Variants in MCM7 observed in about 807,000 individuals in gnomAD.
MCM7 encodes the protein DNA replication licensing factor MCM7.
Under a neutral mutation model 83.5 loss-of-function variants are expected in MCM7, and 95 were observed. The ratio of observed to expected loss-of-function variants is 1.14; its 90% CI spans 0.96 to 1.35. The LOEUF (loss-of-function observed/expected upper bound fraction) is 1.35. MCM7 is among the 40% of genes most tolerant of loss of function. The pLI is 0.00. For missense variants in MCM7, 1,087 were observed against 957.4 expected (o/e 1.14, Z -1.79); for synonymous variants, 461 against 352.7 (o/e 1.31, Z -3.44).
At chr7:100,099,844 C>T in intron 2 of MCM7, 91 bp from the exon 3 acceptor site, 1 of 1,551,266 alleles carries the variant, frequency 6.4e-7, no homozygotes, top group Non-Finnish European at 8.8e-7. Context: ...GAGAACTCAG[C>T]ACAGGCTCTG....
In MCM7 at chr7:100,099,761, G is replaced by A; in HGVS notation, c.112-8C>T. On this transcript the variant is annotated splice_polypyrimidine_tract_variant and splice_region_variant and intron_variant, in intron 2 of 14. Transcript: ENST00000303887. ...CCGATGAGCCAGCCGAACCTCAAGTGGGGAAGAGACAGAAACACCTCAGAG... is the reference window on the plus strand; with the variant it reads ...CCGATGAGCCAGCCGAACCTCAAGTAGGGAAGAGACAGAAACACCTCAGAG... The A allele has an allele frequency of 6.2e-7, 1 of 1,613,470 alleles. No individual in the cohort carries two copies. The highest frequency in any genetic ancestry group is 8.5e-7 in the Non-Finnish European group (1 of 1,179,864).
intron 2 of MCM7, 83 bp from the exon 3 acceptor site, chr7:100,099,836 G>C: frequency 6.4e-7 from 1 of 1,563,580 alleles, no homozygotes; most frequent in South Asian, 1.2e-5. Context: ...GCATCACTGA[G>C]AACTCAGCAC....
rs1796019874 is a variant in MCM7 at position 100,101,374 on chromosome 7, G to C, written c.-80C>G. The C allele has an allele frequency of 6.3e-7, 1 of 1,588,328 alleles. No homozygotes were observed. Among genetic ancestry groups the C allele is most frequent in the Non-Finnish European group, 8.6e-7 (1 of 1,163,104 alleles). ...GGAAGCTGAGAATCTCCGCGCGGTG[G>C]ACTGTGGCCGGCCAACCGAAATTGG... is the stretch of plus-strand genomic sequence containing the variant. On this transcript the variant is annotated 5_prime_UTR_variant, in exon 1 of 15. Coordinates refer to ENST00000303887, the MANE Select transcript of MCM7 (RefSeq NM_005916.5).
chr7:100,093,493 A>G, intron 13 of MCM7, 92 bp from the exon 14 acceptor site: 2 of 1,170,778 alleles, frequency 1.7e-6, no homozygotes, highest in Non-Finnish European at 2.6e-6. Context: ...AAGGCTGGGC[A>G]GCCCATGGGT....
At position 100,096,251 on chromosome 7, in the gene MCM7, G is replaced by A. The variant is rs558088251; in HGVS notation, c.1202-84C>T. Reference sequence around the variant, plus strand: ...AAGACAACAAACGGGCCAGGGAGGCGAGGCCTGCGCTGGGATCATTCCACT... The same window carrying A: ...AAGACAACAAACGGGCCAGGGAGGCAAGGCCTGCGCTGGGATCATTCCACT... On this transcript the variant is annotated intron_variant, in intron 10 of 14. Transcript: ENST00000303887. 113 of 1,377,852 alleles carry A rather than the reference G, an allele frequency of 8.2e-5. No homozygotes were observed. In the African/African-American group the frequency reaches 1.2e-3, roughly 15 times the overall value. 85.4% of individuals were successfully genotyped at this position (1,377,852 alleles called of 1,614,324 possible).
chr7:100,099,719 T>A lies in MCM7; in HGVS notation c.146A>T (p.Tyr49Phe). Residue 49 changes from tyrosine (Y) to phenylalanine (F), a missense_variant, in exon 3 of 15, where the codon TAT becomes TTT. Tyr to Phe is a conservative substitution (Grantham distance 22). Transcript: ENST00000303887. ...CTCGGCTACGTCGTCCAGGTCCACA[T>A]ACAGAGCCACCTGTTCCCGATGAGC... ...RLAHREQVAL[Y>F]VDLDDVAEDD... 6.2e-7 allele frequency: 1 copy of A among 1,614,124 alleles called. No individual in the cohort carries two copies.
Position 100,099,655 on chromosome 7 carries a change from G to A in MCM7, c.210C>T (p.Ala70=), listed in dbSNP as rs1204613207. The change falls in exon 3 of 15, where the codon GCC becomes GCT. Residue 70 remains alanine, a synonymous_variant. Coordinates refer to ENST00000303887, the MANE Select transcript of MCM7 (RefSeq NM_005916.5). ...PELVDSICEN[A]RRYAKLFADA... ...CAGCAAAGAGCTTCGCGTAGCGCCT[G>A]GCATTCTCACAAATTGAGTCCACCA... 3 of 1,614,032 alleles carry A rather than the reference G, an allele frequency of 1.9e-6. No homozygotes were observed. The highest frequency in any genetic ancestry group is 2.5e-6 in the Non-Finnish European group (3 of 1,180,048).
In MCM7 at chr7:100,097,710, C is replaced by T. The variant is rs749928037; in HGVS notation, c.1021G>A (p.Ala341Thr). ...TCTTCATGCCCGTATATTTCTGGGG[C>T]GATTGAAGCTGCCAGCTTTTCGTAG... ...DFYEKLAASI[A>T]PEIYGHEDVK... The change falls in exon 9 of 15, where the codon GCC (alanine) becomes ACC (threonine). Residue 341 changes from alanine to threonine, a missense_variant. Transcript: ENST00000303887. The T allele has an allele frequency of 5.0e-6, 8 of 1,614,136 alleles. No individual in the cohort carries two copies. Among genetic ancestry groups the T allele is most frequent in the Non-Finnish European group, 5.1e-6 (6 of 1,180,032 alleles).
intron 1 of MCM7, chr7:100,100,557 C>A (rs1006981955): frequency 1.0e-6 from 1 of 992,330 alleles, no homozygotes; most frequent in East Asian, 1.1e-4. Context: ...GGCCCGGATT[C>A]CAGCCGCTTC....
At chr7:100,099,256 C>G (rs768452547) in intron 4 of MCM7, 23 bp downstream of exon 4, 2 of 1,614,164 alleles carry the variant, frequency 1.2e-6, no homozygotes, top group Admixed American at 3.3e-5. Context: ...ATCCCTACAT[C>G]TTTCCCGACA....
rs149763813 is a variant in MCM7, at chr7:100,097,663, G to C, written c.1068C>G (p.Leu356=). ...ACTGGTCCACACCCCCGACTAGCAG[G>C]AGCAGCAGTGCCTTCTTCACATCTT... ...GHEDVKKALL[L]LLVGGVDQSP... Residue 356 remains leucine (L), a synonymous_variant, in exon 9 of 15, where the codon CTC becomes CTG. Transcript: ENST00000303887. 6.2e-7 allele frequency: 1 copy of C among 1,614,162 alleles called. No individual in the cohort carries two copies. The highest frequency in any genetic ancestry group is 8.5e-7 in the Non-Finnish European group (1 of 1,180,046).
rs374361346 is a variant in MCM7, at chr7:100,099,984, C to G, written c.111+30G>C. ...TTATGGCTCCTTAAGCACCCCGCTC[C>G]CCATTCCCTTTACCCAATCTTAGAC... On this transcript the variant is annotated intron_variant, in intron 2 of 14. Transcript: ENST00000303887. 4 of 1,594,138 alleles carry G rather than the reference C, an allele frequency of 2.5e-6. No homozygotes were observed. The Admixed American group carries it at 5.0e-5, about 20-fold the overall frequency.
rs375959170 is a variant in MCM7, at chr7:100,101,251, C to T, written c.31+13G>A. On this transcript the variant is annotated intron_variant, in intron 1 of 14. Coordinates refer to ENST00000303887, the MANE Select transcript of MCM7 (RefSeq NM_005916.5). ...CCCGCGCAGGACGCCCTCCCGGGCT[C>T]GTAGACCCGTACCCTTCTCTAGCGC... The T allele has an allele frequency of 4.3e-6, 7 of 1,612,988 alleles. No individual in the cohort carries two copies. In the African/African-American group the frequency reaches 8.0e-5, roughly 18 times the overall value.
At chr7:100,098,083 G>A (rs1383658079) in intron 7 of MCM7, 58 bp downstream of exon 7, 2 of 1,595,836 alleles carry the variant, frequency 1.3e-6, no homozygotes, top group African/African-American at 1.3e-5. Context: ...TGTGTGGGTA[G>A]AATGAGTAGG....
chr7:100,101,169 C>T, intron 1 of MCM7, 95 bp downstream of exon 1: 1 of 1,524,930 alleles, frequency 6.6e-7, no homozygotes, highest in Non-Finnish European at 9.0e-7. Context: ...CCAGAACCCG[C>T]CGACCCCGGT....
chr7:100,099,930 G>A, intron 2 of MCM7, 84 bp downstream of exon 2: 2 of 1,448,964 alleles, frequency 1.4e-6, no homozygotes, highest in Admixed American at 1.7e-5. Context: ...TAATTGTTAT[G>A]TCTTTAATAA....
chr7:100,096,327 A>G (rs914637882), intron 10 of MCM7, among the ~76,000 whole-genome samples, 160 bp from the exon 11 acceptor site: 5 of 152,064 alleles, frequency 3.3e-5, no homozygotes, highest in East Asian at 3.9e-4. Context: ...GGCACTGGCA[A>G]TGTCCCCCTT....
rs1795690767 is a variant in MCM7 at position 100,097,290 on chromosome 7, C to A, written c.1201+11G>T. The A allele has an allele frequency of 6.2e-7, 1 of 1,613,412 alleles. No individual in the cohort carries two copies. The highest frequency in any genetic ancestry group is 1.3e-5 in the African/African-American group (1 of 74,874). Reference sequence around the variant, plus strand: ...CACTATATTCACCTCCCGCAAAGCCCAACTACTTACTGCGAGGCGCCAGTC... The same window carrying A: ...CACTATATTCACCTCCCGCAAAGCCAAACTACTTACTGCGAGGCGCCAGTC... On this transcript the variant is annotated intron_variant, in intron 10 of 14. Transcript: ENST00000303887.
chr7:100,099,519 A>G lies in MCM7; in HGVS notation c.276+70T>C, dbSNP rs771199270. On this transcript the variant is annotated intron_variant, in intron 3 of 14. Transcript: ENST00000303887. ...TTCTGCCTGCTCAGAAAACATCAGT[A>G]TCTGAGCAGCCTCTCTACAGAAGCT... 3.7e-4 allele frequency: 582 copies of G among 1,590,630 alleles called. 2 individuals are homozygous for G. The highest frequency in any genetic ancestry group is 4.7e-4 in the Non-Finnish European group (545 of 1,167,278).
Sources: allele counts gnomAD v4.1 joint callset (sites outside exome capture counted in the v4.1 genomes callset), GRCh38; gene constraint gnomAD v4.1.1; transcripts MANE v1.5; gene names NCBI Gene and HGNC (gene_info 2026-07-23, HGNC 2026-07-21).